TLR2: variants seen among roughly 807,000 people sequenced by gnomAD.
TLR2 encodes toll like receptor 2, also known as toll-like receptor 2.
In TLR2, 7 loss-of-function variants were observed where a neutral mutation model predicts 9.1. The observed-to-expected ratio is 0.77, with a 90% confidence interval of 0.44 to 1.44. The LOEUF is 1.44. Among genes scored for constraint, TLR2 ranks in the 40% most tolerant of loss-of-function variants. The probability of loss-of-function intolerance (pLI) is 0.01; values close to 1 mark genes in which losing one functional copy is unlikely to be tolerated. For missense variants in TLR2, 812 were observed against 904.6 expected, an observed-to-expected ratio of 0.90 and a Z score of 1.31; for synonymous variants, 317 against 344.6, an observed-to-expected ratio of 0.92 and a Z score of 0.89.
chr4:153,697,468 GCTTT>G (rs1412348359), intron 2 of TLR2, among the ~76,000 whole-genome samples: 3 of 152,084 alleles, frequency 2.0e-5, no homozygotes, highest in Admixed American at 6.6e-5. Context: ...CAATTATGTG[GCTTT>G]CTTTATTTGC....
In TLR2 at chr4:153,688,337, T is replaced by G. The variant is rs999233444; in HGVS notation, c.-17+290T>G. ...GCTTTTCTAGAGAAATGTGTGAGCCTTACTAAAGGTAACTTAGAATTACAA... is the reference window on the plus strand; with the variant it reads ...GCTTTTCTAGAGAAATGTGTGAGCCGTACTAAAGGTAACTTAGAATTACAA... On this transcript the variant is annotated intron_variant, in intron 2 of 2. Coordinates refer to ENST00000642700, the MANE Select transcript of TLR2 (RefSeq NM_001318789.2). 7 of 152,530 alleles carry G rather than the reference T, an allele frequency of 4.6e-5. No individual in the cohort carries two copies. In the East Asian group the frequency reaches 1.3e-3, roughly 29 times the overall value. 9.4% of individuals were successfully genotyped at this position (152,530 alleles called of 1,614,324 possible). A position where few individuals can be genotyped will look rare whatever the true frequency, so the allele number is the denominator to read the frequency against.
chr4:153,707,549 CA>C (rs1214136330), downstream of TLR2, among the ~76,000 whole-genome samples: 1 of 151,458 alleles, frequency 6.6e-6, no homozygotes, highest in African/African-American at 2.4e-5. Flanking sequence ...GACACTGTCT[CA>C]AAAAAACAAA....
downstream of TLR2, among the ~76,000 whole-genome samples, chr4:153,707,317 G>A (rs982968219): frequency 6.6e-6 from 1 of 152,122 alleles, no homozygotes; most frequent in African/African-American, 2.4e-5. Flanking sequence ...GGAGGCTAAG[G>A]CAGGAGGATT....
At chr4:153,696,830 A>G (rs1292892274) in intron 2 of TLR2, among the ~76,000 whole-genome samples, 1 of 150,410 alleles carries the variant, frequency 6.6e-6, no homozygotes, top group African/African-American at 2.4e-5. Context: ...GGAGTTTGAG[A>G]CCAGCTGGGG....
At chr4:153,700,074 G>T (rs141400957) in intron 2 of TLR2, among the ~76,000 whole-genome samples, 6 of 152,212 alleles carry the variant, frequency 3.9e-5, no homozygotes, top group African/African-American at 1.4e-4. Context: ...TAGTGAGAGA[G>T]GGAGTGAGAG....
chr4:153,705,006 T>C lies in TLR2; in HGVS notation c.2099T>C (p.Val700Ala), dbSNP rs1560756216. 3 of 1,613,626 alleles carry C rather than the reference T, an allele frequency of 1.9e-6. No individual in the cohort carries two copies. The highest frequency in any genetic ancestry group is 2.5e-6 in the Non-Finnish European group (3 of 1,180,012). Residue 700 changes from valine (V) to alanine (A), a missense_variant, in exon 3 of 3, where the codon GTC (valine) becomes GCC (alanine). Coordinates refer to ENST00000642700, the MANE Select transcript of TLR2 (RefSeq NM_001318789.2). Reference protein sequence around the residue: ...IDSIEKSHKTVFVLSENFVKS... With the variant: ...IDSIEKSHKTAFVLSENFVKS... ...TCCATTGAAAAGAGCCACAAAACTG[T>C]CTTTGTGCTTTCTGAAAACTTTGTG...
intron 2 of TLR2, among the ~76,000 whole-genome samples, chr4:153,689,709 G>A (rs1735971698): frequency 6.6e-6 from 1 of 152,188 alleles, no homozygotes; most frequent in African/African-American, 2.4e-5. Context: ...TGATAAATAT[G>A]CCCAATAAGT....
At chr4:153,710,635 T>A, downstream of TLR2, 1 of 734,988 alleles carries the variant, frequency 1.4e-6, no homozygotes, top group Non-Finnish European at 2.2e-6. Context: ...GCCCCTTATG[T>A]GAGTTTTATA....
intron 1 of TLR2, among the ~76,000 whole-genome samples, chr4:153,686,674 T>C (rs1489345082): frequency 1.3e-5 from 2 of 152,128 alleles, no homozygotes. Flanking sequence ...TATAAGTACT[T>C]ATAACAACAT....
chr4:153,693,909 G>A (rs917554588), intron 2 of TLR2, among the ~76,000 whole-genome samples: 24 of 152,138 alleles, frequency 1.6e-4, no homozygotes, highest in Non-Finnish European at 4.4e-5. Flanking sequence ...TCCCCACGTT[G>A]GGCGCCACTT....
At chr4:153,694,028 C>T (rs1481656730) in intron 2 of TLR2, among the ~76,000 whole-genome samples, 2 of 152,172 alleles carry the variant, frequency 1.3e-5, no homozygotes, top group Non-Finnish European at 2.9e-5. Context: ...GATTCACAGC[C>T]TTCAGAGCTG....
intron 2 of TLR2, among the ~76,000 whole-genome samples, chr4:153,696,138 A>C (rs1338640408): frequency 6.6e-6 from 1 of 152,062 alleles, no homozygotes; most frequent in Non-Finnish European, 1.5e-5. Context: ...TTTTGCTCAG[A>C]ATAGCTCTGG....
rs1560753484 is a variant in TLR2, at chr4:153,704,277, AG to A, written c.1371del (p.Thr458HisfsTer5). On this transcript the variant is annotated frameshift_variant, in exon 3 of 3. Transcript: ENST00000642700. LOFTEE classifies it low-confidence loss of function (END_TRUNC). ...CACAGTGTAACAGGCTGCATTCCCA[AG>A]ACACTGGAAATTTTAGATGTTAGCA... Reference protein sequence around the residue: ...RIHSVTGCIPKTLEILDVSNN... With the variant: ...RIHSVTGCIPXTLEILDVSNN... 1 of 1,614,002 alleles carries A rather than the reference AG, an allele frequency of 6.2e-7. No individual in the cohort carries two copies. Among genetic ancestry groups the A allele is most frequent in the Non-Finnish European group, 8.5e-7 (1 of 1,180,018 alleles).
At chr4:153,701,688 T>C (rs914121747) in intron 2 of TLR2, 2 of 151,888 alleles carry the variant, frequency 1.3e-5, no homozygotes, top group Non-Finnish European at 1.5e-5. Context: ...ACAGTTTCTT[T>C]GTATACCAAT....
chr4:153,695,281 TTCC>T (rs1480085273), intron 2 of TLR2, among the ~76,000 whole-genome samples: 1 of 152,228 alleles, frequency 6.6e-6, no homozygotes, highest in Non-Finnish European at 1.5e-5. Flanking sequence ...CTAATTTACA[TTCC>T]CAACCAACAA....
Position 153,704,102 on chromosome 4 carries a change from T to C in TLR2, c.1195T>C (p.Leu399=), listed in dbSNP as rs747931378. 2 of 1,614,090 alleles carry C rather than the reference T, an allele frequency of 1.2e-6. No homozygotes were observed. The highest frequency in any genetic ancestry group is 1.7e-6 in the Non-Finnish European group (2 of 1,180,006). ...AACTTTAATTTTAAGGCAAAATCAT[T>C]TGGCATCATTGGAAAAAACCGGAGA... is the stretch of plus-strand genomic sequence containing the variant. ...LQTLILRQNH[L]ASLEKTGETL... Residue 399 remains leucine, a synonymous_variant, in exon 3 of 3, where the codon TTG becomes CTG. Coordinates refer to ENST00000642700, the MANE Select transcript of TLR2 (RefSeq NM_001318789.2).
At chr4:153,684,603 T>C (rs1390104760) in intron 1 of TLR2, among the ~76,000 whole-genome samples, 1 of 152,170 alleles carries the variant, frequency 6.6e-6, no homozygotes, top group Non-Finnish European at 1.5e-5. Flanking sequence ...CGAAGCCGGC[T>C]CAGGTCGGCC....
intron 1 of TLR2, among the ~76,000 whole-genome samples, chr4:153,686,301 C>A (rs1735701467): frequency 6.6e-6 from 1 of 152,136 alleles, no homozygotes; most frequent in South Asian, 2.1e-4. Context: ...AATACATGAG[C>A]TTTGGGGCAC....
At chr4:153,691,595 T>C (rs6843605) in intron 2 of TLR2, among the ~76,000 whole-genome samples, 121,835 of 151,970 alleles carry the variant, frequency 0.8, 50,055 homozygotes, top group East Asian at 1. Flanking sequence ...GATTTATGGA[T>C]TTGCTTTTTG....
Sources: allele counts gnomAD v4.1 joint callset (sites outside exome capture counted in the v4.1 genomes callset), GRCh38; gene constraint gnomAD v4.1.1; transcripts MANE v1.5; gene names NCBI Gene and HGNC (gene_info 2026-07-23, HGNC 2026-07-21).